NCK2: variants seen among roughly 807,000 people sequenced by gnomAD.
The protein encoded by NCK2 is cytoplasmic protein NCK2.
Under a neutral mutation model 33.9 loss-of-function variants are expected in NCK2, and 16 were observed. The ratio of observed to expected loss-of-function variants is 0.47; its 90% CI spans 0.32 to 0.72. The LOEUF (loss-of-function observed/expected upper bound fraction) is 0.72, where lower values mean the gene tolerates loss of function less well. Among genes scored for constraint, NCK2 ranks in the 30% least tolerant of loss-of-function variants. NCK2 has a pLI of 0.03. For synonymous variants in NCK2, 273 were observed against 239.9 expected (o/e 1.14, Z -1.27); for missense variants, 418 against 537.3 (o/e 0.78, Z 2.19).
At chr2:105,873,233 A>T (rs1365004062) in intron 3 of NCK2, among the ~76,000 whole-genome samples, 1 of 151,942 alleles carries the variant, frequency 6.6e-6, no homozygotes, top group African/African-American at 2.4e-5. Context: ...AGTCTGTCCC[A>T]CTCTCATGAG....
intron 3 of NCK2, among the ~76,000 whole-genome samples, chr2:105,879,133 C>T (rs1164288537): frequency 1.3e-5 from 2 of 152,206 alleles, no homozygotes; most frequent in Non-Finnish European, 2.9e-5. Flanking sequence ...CCGAAACCTG[C>T]TCTTCCACAG....
At chr2:105,883,834 C>G (rs1228349635) in intron 4 of NCK2, among the ~76,000 whole-genome samples, 2 of 152,210 alleles carry the variant, frequency 1.3e-5, no homozygotes, top group Non-Finnish European at 2.9e-5. Context: ...GGGGGCCTTT[C>G]AGGGTTTTTT....
At chr2:105,748,022 C>T (rs189665129) in intron 1 of NCK2, among the ~76,000 whole-genome samples, 54 of 152,304 alleles carry the variant, frequency 3.5e-4, no homozygotes, top group African/African-American at 1.2e-3. Context: ...GGTAAATGAA[C>T]GTTAGCAAGT....
intron 3 of NCK2, among the ~76,000 whole-genome samples, chr2:105,856,400 C>A (rs1178190891): frequency 6.6e-6 from 1 of 152,082 alleles, no homozygotes; most frequent in Non-Finnish European, 1.5e-5. Flanking sequence ...TAAGGGTTTG[C>A]TAGTGAAATG....
Position 105,881,354 on chromosome 2 carries a change from A to G in NCK2, c.253A>G (p.Ser85Gly), listed in dbSNP as rs755727286. The change falls in exon 4 of 5, where the codon AGC becomes GGC. Residue 85 changes from serine to glycine, a missense_variant. Physicochemically the swap from Ser to Gly is moderately conservative, Grantham distance 56. Transcript: ENST00000233154. ...CCTCGGCAAGACGCGCAGGAAGACC[A>G]GCGCGCGGGATGCGTCCCCCACGCC... ...LGLGKTRRKTSARDASPTPST... is the reference protein window; with the variant it reads ...LGLGKTRRKTGARDASPTPST... 6 of 1,604,212 alleles carry G rather than the reference A, an allele frequency of 3.7e-6. 1 individual carries two copies. The highest frequency in any genetic ancestry group is 1.7e-4 in the Middle Eastern group (1 of 5,992).
intron 3 of NCK2, among the ~76,000 whole-genome samples, chr2:105,863,242 A>G (rs1273506894): frequency 2.0e-5 from 3 of 152,150 alleles, no homozygotes; most frequent in Admixed American, 2.0e-4. Context: ...TGGGTCTGTC[A>G]TCGTGATTAT....
chr2:105,885,806 T>G, intron 4 of NCK2, among the ~76,000 whole-genome samples: 1 of 152,250 alleles, frequency 6.6e-6, no homozygotes, highest in East Asian at 1.9e-4. Flanking sequence ...TATAAAAATA[T>G]TGTCATAAAG....
Position 105,821,718 on chromosome 2 carries a change from G to T in NCK2, c.-17+5105G>T, listed in dbSNP as rs13008961. Among the ~76,000 whole-genome samples, 595 of 152,042 alleles carry T rather than the reference G, an allele frequency of 3.9e-3. 2 individuals carry two copies. Among genetic ancestry groups the T allele is most frequent in the Non-Finnish European group, 6.3e-3 (431 of 67,976 alleles). Reference sequence around the variant, plus strand: ...CACTGCTTGTATATTATCTCTAGTCGCAAATGCAGATGTTATTGCCCCCAT... The same window carrying T: ...CACTGCTTGTATATTATCTCTAGTCTCAAATGCAGATGTTATTGCCCCCAT... On this transcript the variant is annotated intron_variant, in intron 2 of 4. Transcript: ENST00000233154.
chr2:105,819,943 C>T (rs1241369483), intron 2 of NCK2, among the ~76,000 whole-genome samples: 1 of 152,076 alleles, frequency 6.6e-6, no homozygotes, highest in Non-Finnish European at 1.5e-5. Context: ...AAAATATAGT[C>T]CCAGCCACCT....
At chr2:105,861,813 C>T (rs1677545265) in intron 3 of NCK2, among the ~76,000 whole-genome samples, 1 of 151,862 alleles carries the variant, frequency 6.6e-6, no homozygotes, top group Admixed American at 6.6e-5. Context: ...CCGCACCCGG[C>T]CAGTTTCTCT....
chr2:105,870,234 T>A (rs1677943929), intron 3 of NCK2, among the ~76,000 whole-genome samples: 1 of 152,114 alleles, frequency 6.6e-6, no homozygotes, highest in South Asian at 2.1e-4. Context: ...CCTCCTACCC[T>A]CCCCTTCAGA....
chr2:105,811,710 G>A (rs533320928), intron 1 of NCK2, among the ~76,000 whole-genome samples: 3 of 152,290 alleles, frequency 2.0e-5, no homozygotes, highest in Admixed American at 6.5e-5. Context: ...GCTTGCAGGC[G>A]GGTGCGGGTC....
intron 1 of NCK2, among the ~76,000 whole-genome samples, chr2:105,786,331 G>C (rs566202015): frequency 1.3e-5 from 2 of 152,374 alleles, no homozygotes; most frequent in South Asian, 4.1e-4. Flanking sequence ...GCACGGACTT[G>C]TTCCATTAGC....
chr2:105,863,654 C>T (rs1677634157), intron 3 of NCK2, among the ~76,000 whole-genome samples: 1 of 152,130 alleles, frequency 6.6e-6, no homozygotes, highest in East Asian at 1.9e-4. Flanking sequence ...CTCATTCAAA[C>T]AATAGCACTG....
At chr2:105,851,117 G>T (rs905774020) in intron 2 of NCK2, among the ~76,000 whole-genome samples, 4 of 152,188 alleles carry the variant, frequency 2.6e-5, no homozygotes, top group African/African-American at 9.7e-5. Context: ...GTCTCTGAGG[G>T]CAGCAGCCCA....
chr2:105,779,756 G>A (rs1409402039), intron 1 of NCK2, among the ~76,000 whole-genome samples: 2 of 152,010 alleles, frequency 1.3e-5, no homozygotes, highest in East Asian at 1.9e-4. Context: ...GATTTAAAAC[G>A]CACACTCACA....
At chr2:105,836,614 T>C (rs1364634344) in intron 2 of NCK2, among the ~76,000 whole-genome samples, 1 of 152,150 alleles carries the variant, frequency 6.6e-6, no homozygotes, top group African/African-American at 2.4e-5. Context: ...CTCCCTTTGT[T>C]CTAGGGGAAG....
chr2:105,843,671 T>C (rs1048045744), intron 2 of NCK2, among the ~76,000 whole-genome samples: 2 of 152,112 alleles, frequency 1.3e-5, no homozygotes, highest in African/African-American at 4.8e-5. Flanking sequence ...GCTGGAACAA[T>C]TCAAGAAAAA....
chr2:105,855,303 C>G lies in NCK2; in HGVS notation c.226+14C>G. The G allele has an allele frequency of 6.4e-7, 1 of 1,567,128 alleles. No individual in the cohort carries two copies. Among genetic ancestry groups the G allele is most frequent in the South Asian group, 1.1e-5 (1 of 87,610 alleles). ...AGGACACACTAGGTGAGTGTTTCAC[C>G]CTCGAGAGAGGAAGCCTTGTGCATT... On this transcript the variant is annotated intron_variant, in intron 3 of 4. Coordinates refer to ENST00000233154, the MANE Select transcript of NCK2 (RefSeq NM_003581.5).
Sources: gnomAD v4.1 joint callset for allele counts (sites outside exome capture counted in the v4.1 genomes callset) on GRCh38, gnomAD v4.1.1 for gene constraint, MANE v1.5 for transcripts, NCBI Gene and HGNC (gene_info 2026-07-23, HGNC 2026-07-21) for gene names.